The following DENND1A variants were observed in gnomAD, a reference collection of about 807,000 sequenced individuals.
The protein encoded by DENND1A is DENN domain containing 1A.
A neutral mutation model predicts 113.7 loss-of-function variants in DENND1A; 51 were observed. The observed-to-expected ratio is 0.45, with a 90% confidence interval of 0.36 to 0.57. The LOEUF is 0.57. Ranked by LOEUF, DENND1A falls within the 20% of genes least tolerant of loss-of-function variation. The pLI is 0.00. For missense variants in DENND1A, 1,258 were observed against 1,395.9 expected (o/e 0.90, Z 1.57); for synonymous variants, 565 against 570.8 (o/e 0.99, Z 0.14).
At chr9:123,429,026 A>G (rs534230030) in intron 19 of DENND1A, among the ~76,000 whole-genome samples, 1 of 152,340 alleles carries the variant, frequency 6.6e-6, no homozygotes, top group Non-Finnish European at 1.5e-5. Context: ...TCTTCACAGC[A>G]TTAGAAAAAA....
intron 14 of DENND1A, 30 bp downstream of exon 14, chr9:123,457,763 A>C: frequency 6.4e-7 from 1 of 1,573,906 alleles, no homozygotes; most frequent in Non-Finnish European, 8.7e-7. Context: ...CCAGGGAGCC[A>C]GACCCAGGCC....
chr9:123,432,157 C>G (rs193155138), intron 19 of DENND1A, among the ~76,000 whole-genome samples: 1 of 152,184 alleles, frequency 6.6e-6, no homozygotes, highest in Non-Finnish European at 1.5e-5. Context: ...ACATAGCTCC[C>G]GAATGTTCAA....
At chr9:123,659,782 G>C (rs1353496044) in intron 8 of DENND1A, among the ~76,000 whole-genome samples, 1 of 152,180 alleles carries the variant, frequency 6.6e-6, no homozygotes, top group African/African-American at 2.4e-5. Flanking sequence ...AGATCATAAA[G>C]GATTAACAAC....
chr9:123,799,483 T>C (rs1834293717), intron 2 of DENND1A, among the ~76,000 whole-genome samples: 1 of 152,102 alleles, frequency 6.6e-6, no homozygotes, highest in Non-Finnish European at 1.5e-5. Context: ...GCTTGGTAAG[T>C]GTGATACTAG....
chr9:123,582,419 A>C (rs1330707334), intron 12 of DENND1A, among the ~76,000 whole-genome samples: 2 of 147,682 alleles, frequency 1.4e-5, no homozygotes, highest in Non-Finnish European at 3.0e-5. Context: ...TTTTTTTTTG[A>C]GATGGAGTCT....
intron 13 of DENND1A, among the ~76,000 whole-genome samples, chr9:123,470,729 C>G (rs1447454693): frequency 6.6e-6 from 1 of 152,228 alleles, no homozygotes; most frequent in Non-Finnish European, 1.5e-5. Context: ...ACAGGCCCCC[C>G]TGAAGGTGTG....
Position 123,452,177 on chromosome 9 carries a change from G to C in DENND1A, c.1299+99C>G. 2.5e-6 allele frequency: 3 copies of C among 1,179,772 alleles called. No homozygotes were observed. In the South Asian group the frequency reaches 3.9e-5, roughly 16 times the overall value. 73.1% of individuals were successfully genotyped at this position (1,179,772 alleles called of 1,614,324 possible). A position where few individuals can be genotyped will look rare whatever the true frequency, so the allele number is the denominator to read the frequency against. ...CCACTGCACTCCAGCCTGGGCAACA[G>C]AGCAAGACCCAGTTTCAAAAGTAAG... On this transcript the variant is annotated intron_variant, in intron 17 of 23. Coordinates refer to ENST00000394215, the MANE Select transcript of DENND1A (RefSeq NM_001352964.2).
intron 1 of DENND1A, among the ~76,000 whole-genome samples, chr9:123,910,412 G>A (rs2134013017): frequency 6.6e-6 from 1 of 152,052 alleles, no homozygotes; most frequent in Non-Finnish European, 1.5e-5. Context: ...ACCACATGAG[G>A]GAAGAAAAGG....
intron 4 of DENND1A, among the ~76,000 whole-genome samples, chr9:123,767,614 G>A (rs12380057): frequency 0.011 from 1,624 of 152,238 alleles, 20 homozygotes; most frequent in Non-Finnish European, 0.016. Context: ...GTGTGTGTAT[G>A]GTATACATCT....
In DENND1A at chr9:123,654,879, G is replaced by C. The variant is rs117656469; in HGVS notation, c.508-2756C>G. ...TCGCTCAGCCGTGGGAGCACCTGTG[G>C]GGCAGAGCGGGGCCCCAGGAGCAGC... On this transcript the variant is annotated intron_variant, in intron 8 of 23. Coordinates refer to ENST00000394215, the MANE Select transcript of DENND1A (RefSeq NM_001352964.2). Among the ~76,000 whole-genome samples the C allele has an allele frequency of 5.2e-3, 789 of 152,284 alleles. 3 individuals are homozygous for C. The highest frequency in any genetic ancestry group is 8.0e-3 in the Non-Finnish European group (545 of 68,022).
chr9:123,525,450 T>A (rs1002180224), intron 13 of DENND1A, among the ~76,000 whole-genome samples: 1 of 152,206 alleles, frequency 6.6e-6, no homozygotes, highest in African/African-American at 2.4e-5. Context: ...AAGACACTGT[T>A]TGAGTTAGCC....
chr9:123,886,962 A>C (rs986357456), intron 1 of DENND1A, among the ~76,000 whole-genome samples: 1 of 152,174 alleles, frequency 6.6e-6, no homozygotes, highest in African/African-American at 2.4e-5. Flanking sequence ...TCCCTACGGG[A>C]AGATTCTTAA....
chr9:123,416,893 G>A (rs1342979974), intron 19 of DENND1A, among the ~76,000 whole-genome samples: 1 of 152,088 alleles, frequency 6.6e-6, no homozygotes, highest in Non-Finnish European at 1.5e-5. Flanking sequence ...TTGTCCTTGA[G>A]GACTGCAGAG....
chr9:123,550,660 GA>G (rs1300295200), intron 13 of DENND1A, among the ~76,000 whole-genome samples: 1 of 152,198 alleles, frequency 6.6e-6, no homozygotes, highest in Non-Finnish European at 1.5e-5. Flanking sequence ...CAGCGTGTGT[GA>G]AATGTGTTTC....
intron 5 of DENND1A, among the ~76,000 whole-genome samples, chr9:123,726,791 A>G (rs527578587): frequency 6.6e-6 from 1 of 152,318 alleles, no homozygotes; most frequent in East Asian, 1.9e-4. Context: ...TGTCTATAGA[A>G]CTTTTTAAGG....
chr9:123,787,809 C>G (rs948328182), intron 3 of DENND1A, among the ~76,000 whole-genome samples: 9 of 152,072 alleles, frequency 5.9e-5, no homozygotes, highest in African/African-American at 2.2e-4. Flanking sequence ...TCCCAATGTG[C>G]CATGTTTCTA....
intron 2 of DENND1A, among the ~76,000 whole-genome samples, chr9:123,815,248 A>C (rs1837256528): frequency 6.6e-6 from 1 of 152,226 alleles, no homozygotes; most frequent in East Asian, 1.9e-4. Flanking sequence ...GAATTTATAC[A>C]ATCTAAGCAC....
chr9:123,401,464 C>T (rs1296802865), intron 21 of DENND1A: 4 of 1,140,742 alleles, frequency 3.5e-6, no homozygotes, highest in Non-Finnish European at 4.3e-6. Context: ...AACAGAAACC[C>T]TTGGAATGAT....
intron 19 of DENND1A, among the ~76,000 whole-genome samples, chr9:123,420,895 G>A (rs1231307280): frequency 6.6e-6 from 1 of 151,246 alleles, no homozygotes; most frequent in Admixed American, 6.6e-5. Flanking sequence ...GCAGGGGGAG[G>A]GGAGCCCTTT....
Sources: allele counts gnomAD v4.1 joint callset (sites outside exome capture counted in the v4.1 genomes callset), GRCh38; gene constraint gnomAD v4.1.1; transcripts MANE v1.5; gene names NCBI Gene and HGNC (gene_info 2026-07-23, HGNC 2026-07-21).